The following NKTR variants were observed in gnomAD, a reference collection of about 807,000 sequenced individuals.
NKTR encodes NK-tumor recognition protein.
NKTR carries 67 observed loss-of-function variants against 156.3 expected under a neutral mutation model. That is an observed-to-expected ratio of 0.43 (90% CI 0.35 to 0.53). NKTR has a LOEUF of 0.53. Among genes scored for constraint, NKTR ranks in the 20% least tolerant of loss-of-function variants. The pLI is 0.01. For synonymous variants in NKTR, 640 were observed against 596.6 expected (o/e 1.07, Z -1.06); for missense variants, 1,604 against 1,730.9 (o/e 0.93, Z 1.30).
Position 42,630,571 on chromosome 3 carries a change from G to A in NKTR, c.400G>A (p.Asp134Asn). ...TACCACAAAGCCTGCTCCACACCTG[G>A]ATGGGTAAGAGTTACATTCTTACTA... ...FITTKPAPHL[D>N]GVHVVFGLVI... Residue 134 changes from aspartate (D) to asparagine (N), a missense_variant, in exon 7 of 17, where the codon GAT (aspartate) becomes AAT (asparagine). This residue lies in a region of NKTR where 61 missense variants were observed against 113.3 expected (regional missense o/e 0.54). Coordinates refer to ENST00000232978, the MANE Select transcript of NKTR (RefSeq NM_005385.4). 1 of 1,613,794 alleles carries A rather than the reference G, an allele frequency of 6.2e-7. No homozygotes were observed. Among genetic ancestry groups the A allele is most frequent in the Non-Finnish European group, 8.5e-7 (1 of 1,179,820 alleles).
rs71072726 is a variant in NKTR, at chr3:42,604,659, C to CTTTTTTTTTTTTTTTTTTTTTTTT, written c.58+3611_58+3634dup. On this transcript the variant is annotated intron_variant, in intron 2 of 16. Coordinates refer to ENST00000232978, the MANE Select transcript of NKTR (RefSeq NM_005385.4). ...AATTGTGGATTTATCTATTTCTCTCCTTTTTTTTTTTTTTTTTTTTTTTTT... is the reference window on the plus strand; with the variant it reads ...AATTGTGGATTTATCTATTTCTCTCCTTTTTTTTTTTTTTTTTTTTTTTTTTTTTTTTTTTTTTTTTTTTTTTTT... Among the ~76,000 whole-genome samples, 3 of 45,294 alleles carry CTTTTTTTTTTTTTTTTTTTTTTTT rather than the reference C, an allele frequency of 6.6e-5. 1 individual carries two copies. Among genetic ancestry groups the CTTTTTTTTTTTTTTTTTTTTTTTT allele is most frequent in the Non-Finnish European group, 8.0e-5 (2 of 25,130 alleles). 29.7% of individuals were successfully genotyped at this position (45,294 alleles called of 152,430 possible).
intron 6 of NKTR, chr3:42,628,630 A>C: frequency 1.3e-5 from 13 of 985,172 alleles, no homozygotes; most frequent in Non-Finnish European, 1.6e-5. Flanking sequence ...GAATGTATCT[A>C]ATCAGGAAAC....
At position 42,637,332 on chromosome 3, in the gene NKTR, C is replaced by T. The variant is rs780465160; in HGVS notation, c.1628C>T (p.Ser543Leu). 6.2e-7 allele frequency: 1 copy of T among 1,614,170 alleles called. No individual in the cohort carries two copies. The highest frequency in any genetic ancestry group is 1.1e-5 in the South Asian group (1 of 91,082). ...SRSRTASKSS[S>L]HSRSRSKSRS... ...TCAAGGACTGCGTCAAAGTCCTCAT[C>T]ACATTCTCGAAGTAGATCAAAGTCC... is the stretch of plus-strand genomic sequence containing the variant. The change falls in exon 13 of 17, where the codon TCA (serine) becomes TTA (leucine). Residue 543 changes from serine (S) to leucine (L), a missense_variant. Ser to Leu is a moderately radical substitution (Grantham distance 145). Coordinates refer to ENST00000232978, the MANE Select transcript of NKTR (RefSeq NM_005385.4).
chr3:42,632,664 C>A lies in NKTR; in HGVS notation c.614C>A (p.Ser205Tyr), dbSNP rs780912256. The change falls in exon 9 of 17, where the codon TCC (serine) becomes TAC (tyrosine). Residue 205 changes from serine to tyrosine, a missense_variant. Physicochemically the swap from Ser to Tyr is moderately radical, Grantham distance 144. Transcript: ENST00000232978. ...GGCTCGGATTCCTCTTCCAATTCCTCCTCTTCTTCAGAATCATCTTCAGAA... is the reference window on the plus strand; with the variant it reads ...GGCTCGGATTCCTCTTCCAATTCCTACTCTTCTTCAGAATCATCTTCAGAA... ...SEGSDSSSNS[S>Y]SSSESSSESE... 9 of 1,613,968 alleles carry A rather than the reference C, an allele frequency of 5.6e-6. No individual in the cohort carries two copies. Among genetic ancestry groups the A allele is most frequent in the Non-Finnish European group, 6.8e-6 (8 of 1,179,928 alleles).
Position 42,638,372 on chromosome 3 carries a change from A to G in NKTR, c.2668A>G (p.Asn890Asp). ...TGGTAGTAAATGGGACTCTGAGTCA[A>G]ATTCAGAACGAGATGTCACTAAAAA... ...YAGSKWDSES[N>D]SERDVTKNSK... is the part of the protein sequence containing the mutation. The change falls in exon 13 of 17, where the codon AAT becomes GAT. Residue 890 changes from asparagine (N) to aspartate (D), a missense_variant. Asn to Asp is a conservative substitution (Grantham distance 23, BLOSUM62 1). Around this residue, in one of 6 missense-constraint regions of NKTR, gnomAD observed 1,255 missense variants for 1,243.7 expected, o/e 1.01. Coordinates refer to ENST00000232978, the MANE Select transcript of NKTR (RefSeq NM_005385.4). The G allele has an allele frequency of 6.2e-7, 1 of 1,614,010 alleles. No individual in the cohort carries two copies. The highest frequency in any genetic ancestry group is 2.2e-5 in the East Asian group (1 of 44,882).
chr3:42,643,630 G>A (rs1710102335), intron 15 of NKTR: 1 of 633,092 alleles, frequency 1.6e-6, no homozygotes, highest in African/African-American at 1.8e-5. Context: ...GAATATAATT[G>A]CCTACAGAGA....
chr3:42,638,885 T>C lies in NKTR; in HGVS notation c.3181T>C (p.Ser1061Pro). 6.2e-7 allele frequency: 1 copy of C among 1,610,610 alleles called. No individual in the cohort carries two copies. Among genetic ancestry groups the C allele is most frequent in the Non-Finnish European group, 8.5e-7 (1 of 1,178,964 alleles). The change falls in exon 13 of 17, where the codon TCC becomes CCC. Residue 1061 changes from serine to proline, a missense_variant. Around this residue, in one of 6 missense-constraint regions of NKTR, gnomAD observed 1,255 missense variants for 1,243.7 expected, o/e 1.01. Coordinates refer to ENST00000232978, the MANE Select transcript of NKTR (RefSeq NM_005385.4). ...IKDNILKTEKSSEEDLSGKHD... is the reference protein window; with the variant it reads ...IKDNILKTEKPSEEDLSGKHD... Reference sequence around the variant, plus strand: ...AGATAATATTCTAAAAACTGAGAAATCCAGTGAAGAGGACCTTTCAGGTAA... The same window carrying C: ...AGATAATATTCTAAAAACTGAGAAACCCAGTGAAGAGGACCTTTCAGGTAA...
rs376312347 is a variant in NKTR at position 42,638,453 on chromosome 3, G to A, written c.2749G>A (p.Asp917Asn). 2.0e-5 allele frequency: 33 copies of A among 1,611,786 alleles called. No individual in the cohort carries two copies. In the African/African-American group the frequency reaches 2.4e-4, roughly 12 times the overall value. ...CAAGGAAGAAGGTGAGGCCACATCC[G>A]ATTCTGAATCAGAGGTTAGTGAAAT... ...SDKEEGEATS[D>N]SESEVSEIHI... The change falls in exon 13 of 17, where the codon GAT (aspartate) becomes AAT (asparagine). Residue 917 changes from aspartate to asparagine, a missense_variant. Physicochemically the swap from Asp to Asn is conservative, Grantham distance 23. Transcript: ENST00000232978.
At chr3:42,608,537 T>C (rs1706464202) in intron 2 of NKTR, among the ~76,000 whole-genome samples, 1 of 152,114 alleles carries the variant, frequency 6.6e-6, no homozygotes, top group African/African-American at 2.4e-5. Flanking sequence ...GTCTGGAAGC[T>C]CTCTCTAAAC....
intron 8 of NKTR, among the ~76,000 whole-genome samples, chr3:42,631,520 C>G (rs1708895891): frequency 2.0e-5 from 3 of 152,180 alleles, no homozygotes; most frequent in Admixed American, 6.5e-5. Context: ...TCCACACCAC[C>G]AGTATTTTGT....
At position 42,619,083 on chromosome 3, in the gene NKTR, G is replaced by C; in HGVS notation, c.197G>C (p.Arg66Pro). 1 of 1,609,164 alleles carries C rather than the reference G, an allele frequency of 6.2e-7. No homozygotes were observed. The highest frequency in any genetic ancestry group is 8.5e-7 in the Non-Finnish European group (1 of 1,178,178). The change falls in exon 4 of 17, where the codon CGT becomes CCT. Residue 66 changes from arginine to proline, a missense_variant. Physicochemically the swap from Arg to Pro is moderately radical, Grantham distance 103. Coordinates refer to ENST00000232978, the MANE Select transcript of NKTR (RefSeq NM_005385.4). ...KLCYKGSTFHRVVKNFMIQGG... is the reference protein window; with the variant it reads ...KLCYKGSTFHPVVKNFMIQGG... ...TGTTATAAAGGTTCTACGTTCCATC[G>C]TGTGGTTAAAAACTTTATGATTCAG...
chr3:42,627,942 CTT>C, intron 6 of NKTR: 1 of 985,332 alleles, frequency 1.0e-6, no homozygotes. Context: ...CTCTCTGCCT[CTT>C]TTAGTAGAAT....
chr3:42,636,101 T>G (rs543146229), intron 12 of NKTR, among the ~76,000 whole-genome samples: 2 of 152,144 alleles, frequency 1.3e-5, no homozygotes, highest in Non-Finnish European at 2.9e-5. Context: ...AGTTGAATAT[T>G]TATTTTAGGA....
At chr3:42,617,779 A>G (rs917583759) in intron 3 of NKTR, 135 bp downstream of exon 3, 8 of 549,814 alleles carry the variant, frequency 1.5e-5, no homozygotes, top group Admixed American at 3.4e-5. Context: ...AGAGTTACTT[A>G]TACTGACTTT....
intron 9 of NKTR, 30 bp from the exon 10 acceptor site, chr3:42,633,550 A>C: frequency 3.1e-6 from 5 of 1,597,144 alleles, no homozygotes; most frequent in Non-Finnish European, 4.3e-6. Context: ...AACATTATAC[A>C]TTTTAATCAG....
rs984302897 is a variant in NKTR at position 42,643,511 on chromosome 3, G to A, written c.4199+116G>A. ...AACTAAATGCATATATTTGTCTCCTGAAACCATACCTTTTCTAAATGAGGT... is the reference window on the plus strand; with the variant it reads ...AACTAAATGCATATATTTGTCTCCTAAAACCATACCTTTTCTAAATGAGGT... On this transcript the variant is annotated intron_variant, in intron 15 of 16. Transcript: ENST00000232978. The A allele has an allele frequency of 8.4e-6, 7 of 832,134 alleles. No individual in the cohort carries two copies. In the Admixed American group the frequency reaches 1.1e-4, roughly 13 times the overall value. The allele number at this position is 832,134 out of a possible 1,614,324, so 51.5% of individuals were successfully genotyped here.
Position 42,639,857 on chromosome 3 carries a change from A to T in NKTR, c.4046+107A>T, listed in dbSNP as rs1709731414. 10 of 833,296 alleles carry T rather than the reference A, an allele frequency of 1.2e-5. No homozygotes were observed. The South Asian group carries it at 1.7e-4, about 14-fold the overall frequency. The allele number at this position is 833,296 out of a possible 1,614,324, so 51.6% of individuals were successfully genotyped here. On this transcript the variant is annotated intron_variant, in intron 13 of 16. Coordinates refer to ENST00000232978, the MANE Select transcript of NKTR (RefSeq NM_005385.4). ...GAATCACTATTTCCAAATATCTGAAAGGAATAAGAAGTCTTGTTTTGTGTG... is the reference window on the plus strand; with the variant it reads ...GAATCACTATTTCCAAATATCTGAATGGAATAAGAAGTCTTGTTTTGTGTG...
In NKTR at chr3:42,600,990, C is replaced by G; in HGVS notation, c.-17C>G. On this transcript the variant is annotated 5_prime_UTR_variant, in exon 2 of 17. Transcript: ENST00000232978. ...TTCTCCCCCTCTCTCCCAGCTCTTGCCGCCACCTCGGTCGCGATGGGGGCG... is the reference window on the plus strand; with the variant it reads ...TTCTCCCCCTCTCTCCCAGCTCTTGGCGCCACCTCGGTCGCGATGGGGGCG... 6.5e-7 allele frequency: 1 copy of G among 1,547,830 alleles called. No homozygotes were observed. The highest frequency in any genetic ancestry group is 2.3e-4 in the Middle Eastern group (1 of 4,330).
chr3:42,626,309 T>C (rs984227920), intron 6 of NKTR, among the ~76,000 whole-genome samples: 4 of 152,124 alleles, frequency 2.6e-5, no homozygotes, highest in Non-Finnish European at 5.9e-5. Context: ...CATTCAAAAC[T>C]CTTATAAAGC....
Sources: gnomAD v4.1 joint callset for allele counts (sites outside exome capture counted in the v4.1 genomes callset) on GRCh38, gnomAD v4.1.1 for gene constraint, gnomAD v4.1.1 regional missense constraint, MANE v1.5 for transcripts, NCBI Gene and HGNC (gene_info 2026-07-23, HGNC 2026-07-21) for gene names.